PHF20: variants seen among roughly 807,000 people sequenced by gnomAD.
PHF20 encodes the protein PHD finger protein 20.
PHF20 carries 23 observed loss-of-function variants against 113.5 expected under a neutral mutation model. The observed-to-expected ratio is 0.20, with a 90% CI of 0.15 to 0.29. The LOEUF (loss-of-function observed/expected upper bound fraction) is 0.29. Among genes scored for constraint, PHF20 ranks in the 10% least tolerant of loss-of-function variants. The pLI, the probability that PHF20 is intolerant of heterozygous loss-of-function variation, is 1.00. For synonymous variants in PHF20, 434 were observed against 457.3 expected (o/e 0.95, Z 0.65); for missense variants, 943 against 1,219.6 (o/e 0.77, Z 3.38).
chr20:35,857,356 A>G (rs2042849372), intron 4 of PHF20, among the ~76,000 whole-genome samples: 1 of 152,102 alleles, frequency 6.6e-6, no homozygotes, highest in Admixed American at 6.6e-5. Flanking sequence ...TTTAGCAGGG[A>G]CGGATCTTTA....
intron 2 of PHF20, among the ~76,000 whole-genome samples, chr20:35,821,496 CAA>C (rs145842439): frequency 1.3e-4 from 10 of 78,058 alleles, no homozygotes; most frequent in Admixed American, 1.5e-4. Context: ...ACCAAAAATA[CAA>C]AAAAAAAAAA....
intron 9 of PHF20, among the ~76,000 whole-genome samples, chr20:35,872,566 C>CTAGT (rs1192325486): frequency 6.6e-6 from 1 of 152,162 alleles, no homozygotes; most frequent in Non-Finnish European, 1.5e-5. Context: ...CCACTGAGAA[C>CTAGT]TGCTTTAGCA....
At chr20:35,781,071 T>C (rs2041285609) in intron 1 of PHF20, among the ~76,000 whole-genome samples, 2 of 151,868 alleles carry the variant, frequency 1.3e-5, no homozygotes, top group Non-Finnish European at 2.9e-5. Flanking sequence ...CAGTCTGGTC[T>C]CGAACCCCTG....
chr20:35,820,903 A>C (rs1600781906), intron 2 of PHF20, among the ~76,000 whole-genome samples: 1 of 151,902 alleles, frequency 6.6e-6, no homozygotes, highest in Admixed American at 6.6e-5. Context: ...TCCAGAGGAG[A>C]GAGGGTTGCA....
intron 2 of PHF20, among the ~76,000 whole-genome samples, chr20:35,839,123 G>T (rs972804591): frequency 2.0e-5 from 3 of 151,970 alleles, no homozygotes; most frequent in African/African-American, 7.3e-5. Flanking sequence ...AGGAGCAGTG[G>T]CTCACACCTG....
intron 10 of PHF20, among the ~76,000 whole-genome samples, chr20:35,907,591 C>T (rs1229308922): frequency 1.3e-5 from 2 of 152,160 alleles, no homozygotes; most frequent in African/African-American, 2.4e-5. Flanking sequence ...ATGTGCTGGG[C>T]GCTGTTCCAA....
intron 7 of PHF20, 30 bp from the exon 8 acceptor site, chr20:35,870,925 T>G (rs1314755320): frequency 1.3e-5 from 20 of 1,535,344 alleles, no homozygotes; most frequent in Non-Finnish European, 1.8e-5. Flanking sequence ...TGTTGGTCTC[T>G]TGACTACAAC....
intron 17 of PHF20, among the ~76,000 whole-genome samples, chr20:35,947,212 CA>C (rs2056101399): frequency 6.6e-6 from 1 of 152,188 alleles, no homozygotes; most frequent in Admixed American, 6.5e-5. Flanking sequence ...TATTGGATGA[CA>C]CAGACTTGGA....
intron 4 of PHF20, among the ~76,000 whole-genome samples, chr20:35,857,562 CTTTTTTTTTT>C (rs56655276): frequency 9.0e-5 from 9 of 99,678 alleles, no homozygotes; most frequent in Admixed American, 4.5e-4. Context: ...AATGATGTTC[CTTTTTTTTTT>C]TTTTTTTTTT....
Sources: gnomAD v4.1 joint callset for allele counts (sites outside exome capture counted in the v4.1 genomes callset) on GRCh38, gnomAD v4.1.1 for gene constraint, MANE v1.5 for transcripts, NCBI Gene and HGNC (gene_info 2026-07-23, HGNC 2026-07-21) for gene names.